CFAP107: variants seen among roughly 807,000 people sequenced by gnomAD.
CFAP107 encodes the protein cilia- and flagella-associated protein 107.
chr1:12,746,348 T>G, the CFAP107 span: 6 of 1,122,920 alleles, frequency 5.3e-6, 1 homozygote, highest in South Asian at 7.9e-5. Context: ...CACCCCAAAC[T>G]CAGCAACTTC....
the CFAP107 span, chr1:12,746,415 G>T: frequency 5.0e-6 from 8 of 1,603,004 alleles, no homozygotes; most frequent in Middle Eastern, 1.7e-4. Flanking sequence ...AAAGAAACCT[G>T]GGGCAAATCC....
the CFAP107 span, among the ~76,000 whole-genome samples, chr1:12,755,422 G>C: frequency 6.6e-6 from 1 of 151,670 alleles, no homozygotes; most frequent in African/African-American, 2.4e-5. Context: ...AAAAGGAGGA[G>C]GCAAAGAGGA....
the CFAP107 span, among the ~76,000 whole-genome samples, chr1:12,751,896 C>T: frequency 3.2e-4 from 48 of 152,012 alleles, no homozygotes; most frequent in East Asian, 3.3e-3. Context: ...TACAATCTAT[C>T]GAGACTGAAT....
At chr1:12,758,131 G>C in the CFAP107 span, among the ~76,000 whole-genome samples, 15 of 152,056 alleles carry the variant, frequency 9.9e-5, no homozygotes, top group Non-Finnish European at 2.1e-4. Flanking sequence ...TCTGCCTCCC[G>C]ACCAGAGACC....
the CFAP107 span, among the ~76,000 whole-genome samples, chr1:12,752,304 G>C: frequency 6.6e-6 from 1 of 152,022 alleles, no homozygotes; most frequent in Non-Finnish European, 1.5e-5. Flanking sequence ...ATGGTTCAGG[G>C]CTGGGCATAG....
chr1:12,748,266 C>G, the CFAP107 span, among the ~76,000 whole-genome samples: 1 of 152,112 alleles, frequency 6.6e-6, no homozygotes, highest in East Asian at 1.9e-4. Flanking sequence ...CAGATCTCAG[C>G]TGGGAAAAGC....
At chr1:12,756,961 A>G in the CFAP107 span, among the ~76,000 whole-genome samples, 2 of 152,216 alleles carry the variant, frequency 1.3e-5, no homozygotes, top group African/African-American at 4.8e-5. Context: ...ACAGATTTTC[A>G]GCTCTGTGCT....
chr1:12,762,126 T>G, the CFAP107 span: 5 of 152,258 alleles, frequency 3.3e-5, no homozygotes, highest in Admixed American at 1.3e-4. Flanking sequence ...TCTCTGCCAT[T>G]GTTTTCACAG....
the CFAP107 span, chr1:12,759,429 C>A: frequency 6.2e-7 from 1 of 1,614,140 alleles, no homozygotes; most frequent in Non-Finnish European, 8.5e-7. Flanking sequence ...CTCCACTCCG[C>A]ACTTGGAATG....
chr1:12,762,567 G>A, the CFAP107 span: 35 of 152,810 alleles, frequency 2.3e-4, 2 homozygotes, highest in African/African-American at 8.2e-4. Context: ...AGGAGCCAGG[G>A]GGTGCAGAAA....
chr1:12,754,250 A>G, the CFAP107 span, among the ~76,000 whole-genome samples: 1 of 152,246 alleles, frequency 6.6e-6, no homozygotes, highest in Admixed American at 6.5e-5. Flanking sequence ...GAAGATGTAC[A>G]AATGGCCAAT....
the CFAP107 span, among the ~76,000 whole-genome samples, chr1:12,758,319 G>A: frequency 6.6e-6 from 1 of 152,304 alleles, no homozygotes; most frequent in African/African-American, 2.4e-5. Context: ...AAGAGAAACT[G>A]CAAGAAAATT....
chr1:12,762,291 T>A, the CFAP107 span: 1 of 150,678 alleles, frequency 6.6e-6, no homozygotes, highest in Non-Finnish European at 1.5e-5. Flanking sequence ...GTTTGTTGGA[T>A]GAGTGAATGA....
At chr1:12,750,997 A>T in the CFAP107 span, among the ~76,000 whole-genome samples, 1 of 152,216 alleles carries the variant, frequency 6.6e-6, no homozygotes, top group Non-Finnish European at 1.5e-5. Context: ...TAGCAGAAGA[A>T]ATACTGAAAA....
At chr1:12,761,275 G>A in the CFAP107 span, 2 of 232,302 alleles carry the variant, frequency 8.6e-6, no homozygotes, top group Admixed American at 5.6e-5. Context: ...ACTGAGGCCC[G>A]GAGAGGTAAT....
chr1:12,751,318 C>T, the CFAP107 span, among the ~76,000 whole-genome samples: 30 of 152,142 alleles, frequency 2.0e-4, no homozygotes, highest in Non-Finnish European at 3.8e-4. Context: ...AGGAAAACAA[C>T]AGAAAAAATC....
At chr1:12,757,573 A>T in the CFAP107 span, among the ~76,000 whole-genome samples, 3 of 151,786 alleles carry the variant, frequency 2.0e-5, no homozygotes, top group Non-Finnish European at 4.4e-5. Flanking sequence ...TTTAGTAGAG[A>T]TAGGGTTTTG....
chr1:12,759,489 T>C, the CFAP107 span: 1 of 1,614,142 alleles, frequency 6.2e-7, no homozygotes, highest in South Asian at 1.1e-5. Flanking sequence ...CCCTTCTTGG[T>C]ACCTTTATAA....
At chr1:12,761,071 G>A in the CFAP107 span, 2 of 988,578 alleles carry the variant, frequency 2.0e-6, no homozygotes, top group Non-Finnish European at 2.9e-6. Flanking sequence ...CGTCAAAGGT[G>A]CTCTCAGAAT....
Sources: gnomAD v4.1 joint callset for allele counts (sites outside exome capture counted in the v4.1 genomes callset) on GRCh38, gnomAD v4.1.1 for gene constraint, MANE v1.5 for transcripts, NCBI Gene and HGNC (gene_info 2026-07-23, HGNC 2026-07-21) for gene names.